Variants in GALK2 observed in about 807,000 individuals in gnomAD.
The protein encoded by GALK2 is galactokinase 2.
Under a neutral mutation model 52.4 loss-of-function variants are expected in GALK2, and 36 were observed. The ratio of observed to expected loss-of-function variants is 0.69; its 90% CI spans 0.53 to 0.91. The LOEUF (loss-of-function observed/expected upper bound fraction) is 0.91, where lower values mean the gene tolerates loss of function less well. Ranked by LOEUF, GALK2 falls within the 40% of genes least tolerant of loss-of-function variation. The probability of loss-of-function intolerance (pLI) is 0.00; values close to 1 mark genes in which losing one functional copy is unlikely to be tolerated. For missense variants in GALK2, 579 were observed against 559.1 expected, an observed-to-expected ratio of 1.04 and a Z score of -0.36; for synonymous variants, 176 against 199.1, an observed-to-expected ratio of 0.88 and a Z score of 0.98.
downstream of GALK2, among the ~76,000 whole-genome samples, chr15:49,335,754 A>T (rs2039595233): frequency 6.6e-6 from 1 of 152,236 alleles, no homozygotes; most frequent in African/African-American, 2.4e-5. Context: ...TAAATCCTGT[A>T]ATTACCTTTT....
At chr15:49,196,151 T>C (rs2087212823) in intron 1 of GALK2, among the ~76,000 whole-genome samples, 1 of 152,134 alleles carries the variant, frequency 6.6e-6, no homozygotes, top group Admixed American at 6.6e-5. Flanking sequence ...CCCATATCAT[T>C]ACTTTCTGTT....
chr15:49,252,004 GC>G (rs2091623802), intron 5 of GALK2, among the ~76,000 whole-genome samples: 1 of 152,084 alleles, frequency 6.6e-6, no homozygotes, highest in Admixed American at 6.6e-5. Flanking sequence ...GGTGCCTCAT[GC>G]CTGTAATCCC....
At chr15:49,338,541 C>T (rs2040169014) in intron 3 of GALK2, among the ~76,000 whole-genome samples, 1 of 152,222 alleles carries the variant, frequency 6.6e-6, no homozygotes. Flanking sequence ...CAACCTTTCT[C>T]TCTGGCTGCC....
At chr15:49,171,256 A>G (rs1012621324) in intron 1 of GALK2, among the ~76,000 whole-genome samples, 9 of 150,742 alleles carry the variant, frequency 6.0e-5, no homozygotes, top group Non-Finnish European at 1.0e-4. Flanking sequence ...CTAATTTTGT[A>G]TTTTCATCAG....
rs372217244 is a variant in GALK2, at chr15:49,292,341, C to A, written c.771C>A (p.Tyr257Ter). 29 of 1,613,774 alleles carry A rather than the reference C, an allele frequency of 1.8e-5. No homozygotes were observed. In the Admixed American group the frequency reaches 3.0e-4, roughly 17 times the overall value. Residue 257 changes from tyrosine (Y) to a stop codon, truncating the protein, a stop_gained, in exon 8 of 10, where the codon TAC becomes TAA. Coordinates refer to ENST00000560031, the MANE Select transcript of GALK2 (RefSeq NM_002044.4). LOFTEE classifies it high-confidence loss of function. ...TGAATTTGCAGCTCCTGGCTAAATA[C>A]AAAAGCTTGCAATGGGACAAAGTAC... ...CRLAAKLLAK[Y>*]KSLQWDKVLR...
At position 49,239,224 on chromosome 15, in the gene GALK2, C is replaced by T. The variant is rs1383147005; in HGVS notation, c.361C>T (p.His121Tyr). ...CTGTTTTTCCTTATATTCTTAGGAA[C>T]ACTTTGGTCTTAGTAACCTGACTGG... ...FLCGLKGIQE[H>Y]FGLSNLTGMN... Residue 121 changes from histidine to tyrosine, a missense_variant, in exon 5 of 10, where the codon CAC becomes TAC. Physicochemically the swap from His to Tyr is moderately conservative, Grantham distance 83. Transcript: ENST00000560031. 2.5e-6 allele frequency: 4 copies of T among 1,613,656 alleles called. No homozygotes were observed. The highest frequency in any genetic ancestry group is 3.4e-6 in the Non-Finnish European group (4 of 1,179,644).
At chr15:49,264,556 G>A (rs901980251) in intron 5 of GALK2, among the ~76,000 whole-genome samples, 2 of 152,156 alleles carry the variant, frequency 1.3e-5, no homozygotes, top group African/African-American at 4.8e-5. Flanking sequence ...ATCGTCTGAA[G>A]CCTTCTTCTC....
intron 2 of GALK2, among the ~76,000 whole-genome samples, chr15:49,213,546 C>T (rs118035322): frequency 0.012 from 1,841 of 152,060 alleles, 20 homozygotes; most frequent in Middle Eastern, 0.031. Flanking sequence ...GTGTGTGTTC[C>T]GGAATATCTT....
At chr15:49,187,469 GC>G (rs1390121307) in intron 1 of GALK2, among the ~76,000 whole-genome samples, 5 of 152,170 alleles carry the variant, frequency 3.3e-5, no homozygotes, top group African/African-American at 1.2e-4. Context: ...CAAGGCCCAA[GC>G]AGGTGGCAAA....
At chr15:49,158,933 T>C in intron 1 of GALK2, 1 of 152,324 alleles carries the variant, frequency 6.6e-6, no homozygotes, top group Non-Finnish European at 1.5e-5. Context: ...TTAAGTGACC[T>C]TCCCATCTCA....
intron 5 of GALK2, among the ~76,000 whole-genome samples, chr15:49,272,561 GT>G (rs1404781618): frequency 1.3e-5 from 2 of 152,142 alleles, no homozygotes; most frequent in African/African-American, 4.8e-5. Context: ...TGCACTTGGA[GT>G]AGCAGAGTAT....
At chr15:49,242,442 G>A (rs1323573176) in intron 5 of GALK2, among the ~76,000 whole-genome samples, 1 of 152,158 alleles carries the variant, frequency 6.6e-6, no homozygotes. Context: ...TTACCATAGA[G>A]GTCAGCCTTT....
chr15:49,285,139 C>G (rs2033198452), intron 7 of GALK2, among the ~76,000 whole-genome samples: 1 of 152,154 alleles, frequency 6.6e-6, no homozygotes, highest in Non-Finnish European at 1.5e-5. Context: ...TGAATTTGCT[C>G]TTTCTTAGGC....
At chr15:49,317,129 A>ATC (rs142879299) in intron 8 of GALK2, among the ~76,000 whole-genome samples, 3,401 of 152,306 alleles carry the variant, frequency 0.022, 104 homozygotes, top group South Asian at 0.077. Flanking sequence ...TAGGGCTGGG[A>ATC]GTATCCTGAG....
At chr15:49,318,937 A>G (rs1417290156) in intron 8 of GALK2, 1 of 452,178 alleles carries the variant, frequency 2.2e-6, no homozygotes, top group South Asian at 1.6e-5. Context: ...TTTATGAGGT[A>G]GTACTTTTCT....
At chr15:49,266,992 A>T (rs2092383321) in intron 5 of GALK2, among the ~76,000 whole-genome samples, 1 of 152,158 alleles carries the variant, frequency 6.6e-6, no homozygotes, top group African/African-American at 2.4e-5. Flanking sequence ...GGGAGGAACG[A>T]GATGATGAAC....
At chr15:49,362,909 CT>C (rs1184307651) in intron 3 of GALK2, among the ~76,000 whole-genome samples, 3 of 151,978 alleles carry the variant, frequency 2.0e-5, no homozygotes, top group African/African-American at 7.2e-5. Context: ...GTTTTGTCAA[CT>C]TTGTCAAAGG....
chr15:49,367,406 T>A, intron 3 of GALK2: 1 of 1,475,976 alleles, frequency 6.8e-7, no homozygotes, highest in Non-Finnish European at 9.0e-7. Flanking sequence ...GAATATTATT[T>A]TTGAAAGAAA....
At chr15:49,176,747 G>T (rs1012230112) in intron 1 of GALK2, among the ~76,000 whole-genome samples, 2 of 151,898 alleles carry the variant, frequency 1.3e-5, no homozygotes, top group African/African-American at 4.8e-5. Context: ...TTTTATTTAG[G>T]GTTTTTCTAT....
Sources: allele counts gnomAD v4.1 joint callset (sites outside exome capture counted in the v4.1 genomes callset), GRCh38; gene constraint gnomAD v4.1.1; transcripts MANE v1.5; gene names NCBI Gene and HGNC (gene_info 2026-07-23, HGNC 2026-07-21).